The following PHIP variants were observed in gnomAD, a reference collection of about 807,000 sequenced individuals.
PHIP encodes the protein PHIP subunit of CUL4-Ring ligase complex, also known as PH-interacting protein.
Under a neutral mutation model 236.8 loss-of-function variants are expected in PHIP, and 54 were observed. The ratio of observed to expected loss-of-function variants is 0.23; its 90% CI spans 0.18 to 0.29. PHIP has a LOEUF of 0.29. Among genes scored for constraint, PHIP ranks in the 10% least tolerant of loss-of-function variants. The probability of loss-of-function intolerance (pLI) is 1.00; values close to 1 mark genes in which losing one functional copy is unlikely to be tolerated. For missense variants in PHIP, 1,370 were observed against 2,190.8 expected (o/e 0.63, Z 7.48); for synonymous variants, 756 against 718.9 (o/e 1.05, Z -0.83).
rs1468225121 is a variant in PHIP at position 79,060,484 on chromosome 6, T to A, written c.433A>T (p.Ser145Cys). ...GTGAACTCAAACAACTCACCAATGC[T>A]GGGTGGGCTACCATAGTTAACTGGT... ...ESPVNYGSPP[S>C]IADTLFSRKL... Residue 145 changes from serine to cysteine, a missense_variant, in exon 6 of 40, where the codon AGC (serine) becomes TGC (cysteine). This residue lies in a region of PHIP where 82 missense variants were observed against 203.2 expected (regional missense o/e 0.40). Coordinates refer to ENST00000275034, the MANE Select transcript of PHIP (RefSeq NM_017934.7). The A allele has an allele frequency of 1.2e-6, 2 of 1,611,276 alleles. No individual in the cohort carries two copies. The highest frequency in any genetic ancestry group is 3.4e-5 in the Admixed American group (2 of 59,654).
At position 79,025,374 on chromosome 6, in the gene PHIP, G is replaced by C. The variant is rs146470677; in HGVS notation, c.923+145C>G. The C allele has an allele frequency of 5.3e-6, 3 of 566,778 alleles. No homozygotes were observed. The African/African-American group carries it at 5.8e-5, about 11-fold the overall frequency. 35.1% of individuals were successfully genotyped at this position (566,778 alleles called of 1,614,324 possible). ...AAAGGGGAGGAATAAAAATAAAACAGGTTAGTAAAGAGCCAAAAGAGGATT... is the reference window on the plus strand; with the variant it reads ...AAAGGGGAGGAATAAAAATAAAACACGTTAGTAAAGAGCCAAAAGAGGATT... On this transcript the variant is annotated intron_variant, in intron 9 of 39. Transcript: ENST00000275034.
intron 15 of PHIP, among the ~76,000 whole-genome samples, chr6:79,005,215 A>C (rs1770220795): frequency 1.3e-5 from 2 of 152,042 alleles, no homozygotes. Context: ...AAACAGGATT[A>C]TATCTCGAGT....
chr6:79,011,792 A>C (rs1198331384), intron 15 of PHIP, among the ~76,000 whole-genome samples: 1 of 151,778 alleles, frequency 6.6e-6, no homozygotes, highest in African/African-American at 2.4e-5. Flanking sequence ...AAATAGCTTT[A>C]TCTCAATTCC....
rs906193037 is a variant in PHIP, at chr6:78,934,877, T to C, written c.*5816A>G. Among the ~76,000 whole-genome samples, 1 of 152,202 alleles carries C rather than the reference T, an allele frequency of 6.6e-6. No individual in the cohort carries two copies. The highest frequency in any genetic ancestry group is 1.5e-5 in the Non-Finnish European group (1 of 68,032). On this transcript the variant is annotated 3_prime_UTR_variant, in exon 40 of 40. Transcript: ENST00000275034. ...CATTACACTGTGCTGCCAGTATGTC[T>C]AACCAATTAGGTAGAAAGGTATTTC...
rs78863287 is a variant in PHIP at position 79,070,359 on chromosome 6, C to T, written c.189+7089G>A. ...GGCCAATGTAAATAATCTTGAATGA[C>T]CAGTTTCATTTTTAATGTTTCAGTT... On this transcript the variant is annotated intron_variant, in intron 4 of 39. Transcript: ENST00000275034. Among the ~76,000 whole-genome samples, 272 of 152,188 alleles carry T rather than the reference C, an allele frequency of 1.8e-3. 1 individual carries two copies. The highest frequency in any genetic ancestry group is 6.3e-3 in the African/African-American group (260 of 41,516).
At chr6:78,989,437 A>T (rs1049758022) in intron 20 of PHIP, among the ~76,000 whole-genome samples, 3 of 152,164 alleles carry the variant, frequency 2.0e-5, no homozygotes, top group African/African-American at 7.2e-5. Context: ...CAACCAAACA[A>T]AAAAGAGAAT....
Position 79,016,535 on chromosome 6 carries a change from A to T in PHIP, c.1235+9T>A, listed in dbSNP as rs116105306. The T allele has an allele frequency of 1.0e-3, 1,638 of 1,563,640 alleles. 15 individuals carry two copies. In the African/African-American group the frequency reaches 0.02, roughly 20 times the overall value. On this transcript the variant is annotated intron_variant, in intron 13 of 39. Transcript: ENST00000275034. ...ATATATACATAATATTTCAAATTTG[A>T]CCTCTTACCCTGCTGGACGAGTAGC...
Position 78,965,952 on chromosome 6 carries a change from T to C in PHIP, c.3310A>G (p.Asn1104Asp). ...CAACAAATATTTCCTTACCAAACAT[T>C]GTAGCATTGAAACAGACTATCAGGG... ...EYPDSLFQCY[N>D]VCWDNGDTEK... Residue 1104 changes from asparagine to aspartate, a missense_variant, in exon 28 of 40, where the codon AAT becomes GAT. Transcript: ENST00000275034. The C allele has an allele frequency of 2.5e-6, 4 of 1,598,994 alleles. No individual in the cohort carries two copies. The highest frequency in any genetic ancestry group is 3.4e-6 in the Non-Finnish European group (4 of 1,166,164).
intron 6 of PHIP, among the ~76,000 whole-genome samples, chr6:79,059,241 A>G (rs888559009): frequency 2.0e-5 from 3 of 152,038 alleles, no homozygotes; most frequent in Non-Finnish European, 4.4e-5. Flanking sequence ...AGGAGAGAGA[A>G]AGGAACACAG....
intron 7 of PHIP, among the ~76,000 whole-genome samples, chr6:79,039,291 A>C (rs1386272633): frequency 6.6e-6 from 1 of 152,196 alleles, no homozygotes; most frequent in African/African-American, 2.4e-5. Flanking sequence ...ATTCTATGCC[A>C]TATCCATTAA....
At chr6:78,970,677 C>T in intron 25 of PHIP, 104 bp downstream of exon 25, 1 of 705,140 alleles carries the variant, frequency 1.4e-6, no homozygotes, top group Non-Finnish European at 2.4e-6. Context: ...AAGGTATCTT[C>T]ATGATGCAGT....
In PHIP at chr6:78,973,696, A is replaced by C. The variant is rs538751783; in HGVS notation, c.2890-2808T>G. ...GGATGGAGGAAGATGTACCAAGCAA[A>C]TGGAAAACAAAAAAAGACAGGGGTT... is the stretch of plus-strand genomic sequence containing the variant. On this transcript the variant is annotated intron_variant, in intron 24 of 39. Transcript: ENST00000275034. Among the ~76,000 whole-genome samples, 5 of 151,782 alleles carry C rather than the reference A, an allele frequency of 3.3e-5. No homozygotes were observed. In the South Asian group the frequency reaches 1.0e-3, roughly 32 times the overall value.
chr6:79,049,588 G>A (rs992509996), intron 6 of PHIP, among the ~76,000 whole-genome samples: 1 of 152,054 alleles, frequency 6.6e-6, no homozygotes, highest in Non-Finnish European at 1.5e-5. Context: ...CTACAAATAC[G>A]ATTAATAACT....
At chr6:79,034,471 C>T (rs943004033) in intron 7 of PHIP, among the ~76,000 whole-genome samples, 4 of 152,116 alleles carry the variant, frequency 2.6e-5, no homozygotes, top group African/African-American at 9.7e-5. Context: ...GACACAGGGC[C>T]ATGAATCACT....
intron 7 of PHIP, among the ~76,000 whole-genome samples, chr6:79,039,017 G>A (rs1772077626): frequency 6.6e-6 from 1 of 152,100 alleles, no homozygotes; most frequent in African/African-American, 2.4e-5. Flanking sequence ...ATCCCACTGT[G>A]ACTGTTTAAT....
At chr6:79,021,540 A>G (rs2127745153) in intron 9 of PHIP, among the ~76,000 whole-genome samples, 1 of 152,064 alleles carries the variant, frequency 6.6e-6, no homozygotes, top group South Asian at 2.1e-4. Flanking sequence ...AGTACTATTC[A>G]GCCATAAAAA....
At chr6:79,004,541 G>A (rs954848362) in intron 15 of PHIP, 4 of 373,294 alleles carry the variant, frequency 1.1e-5, no homozygotes, top group Non-Finnish European at 1.1e-5. Context: ...TGTTCTGAAA[G>A]AGGTAAAAAT....
At chr6:79,019,487 C>A (rs868563453) in intron 9 of PHIP, among the ~76,000 whole-genome samples, 1 of 152,008 alleles carries the variant, frequency 6.6e-6, no homozygotes, top group Non-Finnish European at 1.5e-5. Flanking sequence ...AGAATAGCAA[C>A]GTACAAACAT....
rs1250908263 is a variant in PHIP, at chr6:78,991,964, C to CT, written c.2202-980dup. ...TTTATCCAGTTCCCCCAAATAGTAACTTTTTTTTTTTTTTTTTGAGATGGA... is the reference window on the plus strand; with the variant it reads ...TTTATCCAGTTCCCCCAAATAGTAACTTTTTTTTTTTTTTTTTTGAGATGGA... On this transcript the variant is annotated intron_variant, in intron 19 of 39. Coordinates refer to ENST00000275034, the MANE Select transcript of PHIP (RefSeq NM_017934.7). Among the ~76,000 whole-genome samples, 384 of 133,014 alleles carry CT rather than the reference C, an allele frequency of 2.9e-3. 2 individuals carry two copies. The highest frequency in any genetic ancestry group is 8.7e-3 in the East Asian group (41 of 4,698). 87.3% of individuals were successfully genotyped at this position (133,014 alleles called of 152,430 possible). A position where few individuals can be genotyped will look rare whatever the true frequency, so the allele number is the denominator to read the frequency against.
Sources: gnomAD v4.1 joint callset for allele counts (sites outside exome capture counted in the v4.1 genomes callset) on GRCh38, gnomAD v4.1.1 for gene constraint, gnomAD v4.1.1 regional missense constraint, MANE v1.5 for transcripts, NCBI Gene and HGNC (gene_info 2026-07-23, HGNC 2026-07-21) for gene names.